The following PCDH15 variants were observed in gnomAD, a reference collection of about 807,000 sequenced individuals.
PCDH15 encodes the protein protocadherin related 15.
In PCDH15, 129 loss-of-function variants were observed where a neutral mutation model predicts 178.5. The ratio of observed to expected loss-of-function variants is 0.72; its 90% CI spans 0.63 to 0.84. The LOEUF (loss-of-function observed/expected upper bound fraction) is 0.84, where lower values mean the gene tolerates loss of function less well. PCDH15 is among the 40% of genes least tolerant of loss of function. PCDH15 has a pLI of 0.00. For synonymous variants in PCDH15, 800 were observed against 732.0 expected (o/e 1.09, Z -1.50); for missense variants, 2,230 against 2,099.9 (o/e 1.06, Z -1.21).
chr10:54,069,034 T>C (rs1419237634), intron 17 of PCDH15, among the ~76,000 whole-genome samples: 2 of 152,212 alleles, frequency 1.3e-5, no homozygotes, highest in Non-Finnish European at 2.9e-5. Context: ...CTACCATGCT[T>C]TCATGACAAA....
intron 18 of PCDH15, among the ~76,000 whole-genome samples, chr10:54,062,962 T>A (rs1465092354): frequency 6.6e-6 from 1 of 152,220 alleles, no homozygotes; most frequent in Non-Finnish European, 1.5e-5. Flanking sequence ...ACTGAATAGT[T>A]AATATATATA....
chr10:54,599,948 ACAC>A lies in PCDH15; in HGVS notation c.91+64221_91+64223del. 4 of 953,240 alleles carry A rather than the reference ACAC, an allele frequency of 4.2e-6. No individual in the cohort carries two copies. The South Asian group carries it at 5.6e-5, about 13-fold the overall frequency. 59.0% of individuals were successfully genotyped at this position (953,240 alleles called of 1,614,324 possible). ...GCCACTAAGGAGGAGTTGGTGGCAG[ACAC>A]CAAGGTGGAAAAGCCAGAAAAAGCC... On this transcript the variant is annotated intron_variant, in intron 2 of 37. Coordinates refer to ENST00000644397, the MANE Select transcript of PCDH15 (RefSeq NM_001384140.1).
In PCDH15 at chr10:54,317,364, C is replaced by T. The variant is rs757883412; in HGVS notation, c.783G>A (p.Leu261=). 3.1e-6 allele frequency: 5 copies of T among 1,613,968 alleles called. No individual in the cohort carries two copies. In the South Asian group the frequency reaches 3.3e-5, roughly 11 times the overall value. The part of the protein sequence containing the change: ...LTVDVLDGDD[L]GPMFLPCVLV... ...GGACACAAGGAAGAAACATTGGACC[C>T]AAGTCATCTCCATCCAGAACATCCA... The change falls in exon 8 of 38, where the codon TTG becomes TTA. Residue 261 remains leucine, a synonymous_variant. Transcript: ENST00000644397.
Position 55,113,564 on chromosome 10 carries a change from C to G in PCDH15, c.-80+53012G>C, listed in dbSNP as rs142096372. On this transcript the variant is annotated intron_variant, in intron 2 of 5. Transcript: ENST00000458638. ...TTTACAATTTTTTTCTTTTCTCTAG[C>G]CTTAGCCTTGAAATAAACTTTGAAA... Among the ~76,000 whole-genome samples the G allele has an allele frequency of 2.4e-3, 359 of 152,238 alleles. 2 individuals are homozygous for G. The highest frequency in any genetic ancestry group is 4.5e-3 in the Non-Finnish European group (304 of 68,018).
rs756277462 is a variant in PCDH15 at position 53,827,377 on chromosome 10, T to C, written c.4367+16A>G. The stretch of plus-strand genomic sequence containing the variant: ...AAACCCAACTACTTCTCAGAGTTCC[T>C]GAACGGTCTACTTACATTGAGCTGT... On this transcript the variant is annotated intron_variant, in intron 32 of 37. Transcript: ENST00000644397. 6.2e-7 allele frequency: 1 copy of C among 1,600,058 alleles called. No individual in the cohort carries two copies. The highest frequency in any genetic ancestry group is 1.1e-5 in the South Asian group (1 of 90,080).
intron 5 of PCDH15, among the ~76,000 whole-genome samples, chr10:54,367,636 T>TC (rs1947001393): frequency 6.6e-6 from 1 of 151,638 alleles, no homozygotes; most frequent in Admixed American, 6.6e-5. Flanking sequence ...GAGGAAAACA[T>TC]CACACACCGG....
intron 10 of PCDH15, among the ~76,000 whole-genome samples, chr10:54,196,871 G>GGCCCC (rs2049724484): frequency 6.6e-6 from 1 of 152,080 alleles, no homozygotes; most frequent in African/African-American, 2.4e-5. Flanking sequence ...TGAGGAAGTG[G>GGCCCC]GCCCTCACTA....
In PCDH15 at chr10:53,806,279, TTTAG is replaced by T. The variant is rs1345959331; in HGVS notation, c.*296_*299del. 2.4e-5 allele frequency: 6 copies of T among 253,596 alleles called. No individual in the cohort carries two copies. Among genetic ancestry groups the T allele is most frequent in the Non-Finnish European group, 3.8e-5 (5 of 132,612 alleles). 15.7% of individuals were successfully genotyped at this position (253,596 alleles called of 1,614,324 possible). On this transcript the variant is annotated 3_prime_UTR_variant, in exon 38 of 38. Coordinates refer to ENST00000644397, the MANE Select transcript of PCDH15 (RefSeq NM_001384140.1). Reference sequence around the variant, plus strand: ...TTAATCAATAAAATATAAATGATTATTTAGTAATTATTTCTTGTTTATTAAAATG... The same window carrying T: ...TTAATCAATAAAATATAAATGATTATTAATTATTTCTTGTTTATTAAAATG...
At chr10:54,783,821 G>A (rs1387516254) in intron 1 of PCDH15, among the ~76,000 whole-genome samples, 3 of 152,064 alleles carry the variant, frequency 2.0e-5, no homozygotes, top group Non-Finnish European at 4.4e-5. Context: ...CAAGTGATGG[G>A]TGCACTATAA....
intron 1 of PCDH15, among the ~76,000 whole-genome samples, chr10:55,198,093 C>T (rs1387916590): frequency 6.6e-6 from 1 of 152,118 alleles, no homozygotes; most frequent in Non-Finnish European, 1.5e-5. Context: ...ATGGACCAAA[C>T]AACGATCTGC....
At chr10:54,870,153 G>A (rs1048964781) in intron 3 of PCDH15, among the ~76,000 whole-genome samples, 2 of 152,302 alleles carry the variant, frequency 1.3e-5, no homozygotes, top group East Asian at 3.9e-4. Flanking sequence ...AAGATCTAAG[G>A]AAAATCAGAA....
chr10:55,436,462 A>G (rs1161682182), intron 2 of PCDH15, among the ~76,000 whole-genome samples: 1 of 152,108 alleles, frequency 6.6e-6, no homozygotes, highest in Non-Finnish European at 1.5e-5. Flanking sequence ...TTGTATAAAT[A>G]CTGTTTAATA....
intron 2 of PCDH15, among the ~76,000 whole-genome samples, chr10:55,501,681 T>A (rs1477412693): frequency 1.3e-5 from 2 of 151,880 alleles, no homozygotes; most frequent in East Asian, 3.9e-4. Context: ...ATGCCAACTA[T>A]AAGTTACAAG....
chr10:55,365,072 G>A (rs1324567146), intron 2 of PCDH15, among the ~76,000 whole-genome samples: 1 of 151,916 alleles, frequency 6.6e-6, no homozygotes, highest in Non-Finnish European at 1.5e-5. Context: ...TTAAAGTTAT[G>A]GTCCAGTAAT....
In PCDH15 at chr10:54,766,544, G is replaced by GAA. The variant is rs58039735; in HGVS notation, c.-29+34379_-29+34380dup. 1.5e-3 allele frequency among the ~76,000 whole-genome samples: 219 copies of GAA among 143,048 alleles called. 2 individuals carry two copies. The highest frequency in any genetic ancestry group is 5.5e-3 in the African/African-American group (214 of 38,908). The allele number at this position is 143,048 out of a possible 152,430, so 93.8% of individuals were successfully genotyped here. Reference sequence around the variant, plus strand: ...CCCCAGGTGAATGCAATTGATACAAGAAAAAAAAAAAGGAGTTCCTTTCTC... The same window carrying GAA: ...CCCCAGGTGAATGCAATTGATACAAGAAAAAAAAAAAAAGGAGTTCCTTTCTC... On this transcript the variant is annotated intron_variant, in intron 1 of 37. Transcript: ENST00000644397.
chr10:54,389,629 C>T (rs1247338592), intron 3 of PCDH15, among the ~76,000 whole-genome samples: 1 of 152,060 alleles, frequency 6.6e-6, no homozygotes, highest in Middle Eastern at 3.2e-3. Context: ...CCCATTTCAG[C>T]AATCTGTGTT....
intron 2 of PCDH15, among the ~76,000 whole-genome samples, chr10:55,325,646 A>G (rs1844011478): frequency 6.6e-6 from 1 of 151,986 alleles, no homozygotes; most frequent in Non-Finnish European, 1.5e-5. Context: ...TGGACATAAG[A>G]ACTGGCAAAG....
At chr10:54,351,083 C>T (rs2583029) in intron 5 of PCDH15, among the ~76,000 whole-genome samples, 17,436 of 149,286 alleles carry the variant, frequency 0.12, 1,781 homozygotes, top group African/African-American at 0.28. Flanking sequence ...CAGCCTGGGG[C>T]GAGAACAAGA....
intron 1 of PCDH15, among the ~76,000 whole-genome samples, chr10:54,786,304 C>G (rs1345308609): frequency 1.3e-5 from 2 of 151,960 alleles, no homozygotes; most frequent in Non-Finnish European, 2.9e-5. Context: ...ACATAATCAG[C>G]AAGAACAGAC....
Sources: gnomAD v4.1 joint callset for allele counts (sites outside exome capture counted in the v4.1 genomes callset) on GRCh38, gnomAD v4.1.1 for gene constraint, MANE v1.5 for transcripts, NCBI Gene and HGNC (gene_info 2026-07-23, HGNC 2026-07-21) for gene names.